Variants in BDP1 observed in about 807,000 individuals in gnomAD.
BDP1 encodes the protein transcription factor TFIIIB component B'' homolog.
Under a neutral mutation model 266.6 loss-of-function variants are expected in BDP1, and 169 were observed. The ratio of observed to expected loss-of-function variants is 0.63; its 90% confidence interval spans 0.56 to 0.72. BDP1 has a LOEUF of 0.72. Among genes scored for constraint, BDP1 ranks in the 30% least tolerant of loss-of-function variants. The pLI, the probability that BDP1 is intolerant of heterozygous loss-of-function variation, is 0.00. For missense variants in BDP1, 3,015 were observed against 3,053.8 expected (o/e 0.99, Z 0.30); for synonymous variants, 1,090 against 1,022.4 (o/e 1.07, Z -1.26).
intron 32 of BDP1, among the ~76,000 whole-genome samples, chr5:71,545,783 C>T (rs971557990): frequency 8.6e-5 from 13 of 151,528 alleles, no homozygotes; most frequent in Middle Eastern, 6.8e-3. Context: ...GGGAGAGGAA[C>T]GTGTGTGTAA....
intron 21 of BDP1, among the ~76,000 whole-genome samples, chr5:71,516,766 G>T (rs1310851794): frequency 6.6e-6 from 1 of 151,694 alleles, no homozygotes; most frequent in Non-Finnish European, 1.5e-5. Flanking sequence ...TGGGTCTTTT[G>T]GTATTAGGGA....
chr5:71,556,164 TC>T (rs1743205264), intron 35 of BDP1, among the ~76,000 whole-genome samples: 1 of 152,170 alleles, frequency 6.6e-6, no homozygotes, highest in Non-Finnish European at 1.5e-5. Context: ...CTTACTGAGT[TC>T]CCTCATTGTA....
chr5:71,458,162 G>A (rs565798633), intron 1 of BDP1, among the ~76,000 whole-genome samples: 2 of 151,934 alleles, frequency 1.3e-5, no homozygotes, highest in Admixed American at 6.6e-5. Flanking sequence ...GTAAAATGCC[G>A]GTAGTTTAGA....
At chr5:71,571,628 TTA>T (rs1227295232), downstream of BDP1, among the ~76,000 whole-genome samples, 10 of 151,716 alleles carry the variant, frequency 6.6e-5, no homozygotes, top group Non-Finnish European at 1.0e-4. Context: ...GAAGTTTATT[TTA>T]ATTAATTATT....
At chr5:71,500,063 A>T (rs1377320037) in intron 13 of BDP1, among the ~76,000 whole-genome samples, 1 of 152,116 alleles carries the variant, frequency 6.6e-6, no homozygotes, top group East Asian at 1.9e-4. Flanking sequence ...CTGTTTCCTT[A>T]TAACTTTTCC....
chr5:71,487,105 AT>A (rs1487338129), intron 9 of BDP1, among the ~76,000 whole-genome samples: 25 of 152,146 alleles, frequency 1.6e-4, no homozygotes, highest in African/African-American at 5.8e-4. Context: ...TTTTAGGCTT[AT>A]GTTTTCTTAA....
chr5:71,550,088 C>T (rs994771269), intron 34 of BDP1, among the ~76,000 whole-genome samples: 6 of 152,198 alleles, frequency 3.9e-5, no homozygotes, highest in African/African-American at 7.2e-5. Context: ...AACTCCTGGG[C>T]GCAAGAGATC....
Position 71,510,880 on chromosome 5 carries a change from C to T in BDP1, c.3788C>T (p.Pro1263Leu), listed in dbSNP as rs1252924622. 6.2e-7 allele frequency: 1 copy of T among 1,613,476 alleles called. No individual in the cohort carries two copies. Among genetic ancestry groups the T allele is most frequent in the Non-Finnish European group, 8.5e-7 (1 of 1,179,738 alleles). Residue 1263 changes from proline to leucine, a missense_variant, in exon 17 of 39, where the codon CCC becomes CTC. By Grantham distance (98) the Pro-to-Leu change is moderately conservative. Transcript: ENST00000358731. ...AAAGAAACTGGAAAAAGAGACATTC[C>T]CATCATGGAGAAAGTATCAGGAAAG... ...DLKETGKRDI[P>L]IMEKVSGKMA...
Position 71,525,485 on chromosome 5 carries a change from G to T in BDP1, c.5772+1162G>T, listed in dbSNP as rs1175774029. ...TCCCGGACGGGGCGGCTGGCCGGGC[G>T]GGGGGCTGACACCCCTACCTCCCTC... On this transcript the variant is annotated intron_variant, in intron 25 of 38. Coordinates refer to ENST00000358731, the MANE Select transcript of BDP1 (RefSeq NM_018429.3). Among the ~76,000 whole-genome samples the T allele has an allele frequency of 1.5e-5, 2 of 135,740 alleles. 1 individual carries two copies. The highest frequency in any genetic ancestry group is 3.2e-5 in the Non-Finnish European group (2 of 62,126). 89.1% of individuals were successfully genotyped at this position (135,740 alleles called of 152,430 possible). A position where few individuals can be genotyped will look rare whatever the true frequency, so the allele number is the denominator to read the frequency against.
chr5:71,485,685 C>G (rs1384703601), intron 8 of BDP1, among the ~76,000 whole-genome samples: 1 of 152,152 alleles, frequency 6.6e-6, no homozygotes, highest in Non-Finnish European at 1.5e-5. Context: ...GGAGTGTTCA[C>G]TGATTACTTT....
chr5:71,479,617 G>A (rs1762813399), intron 7 of BDP1, among the ~76,000 whole-genome samples: 2 of 151,420 alleles, frequency 1.3e-5, no homozygotes, highest in African/African-American at 4.9e-5. Flanking sequence ...CGCAATCTTG[G>A]CTCACTGCAA....
chr5:71,558,342 C>A (rs11746355), intron 36 of BDP1, among the ~76,000 whole-genome samples: 4 of 151,842 alleles, frequency 2.6e-5, no homozygotes, highest in Non-Finnish European at 4.4e-5. Flanking sequence ...GCCAACATGG[C>A]GAAACCCCAT....
chr5:71,529,349 C>T (rs1766094502), intron 25 of BDP1, among the ~76,000 whole-genome samples: 2 of 151,958 alleles, frequency 1.3e-5, no homozygotes, highest in African/African-American at 4.8e-5. Context: ...AAGATCACAC[C>T]ACTGCACTCC....
intron 35 of BDP1, among the ~76,000 whole-genome samples, chr5:71,555,946 T>C (rs958861752): frequency 1.5e-4 from 23 of 151,948 alleles, no homozygotes; most frequent in African/African-American, 5.5e-4. Flanking sequence ...TAGATTAACT[T>C]AGGGGAAATT....
intron 13 of BDP1, among the ~76,000 whole-genome samples, chr5:71,499,004 A>G (rs1388444245): frequency 6.6e-6 from 1 of 151,960 alleles, no homozygotes; most frequent in Admixed American, 6.5e-5. Context: ...GATTACAGGC[A>G]TGAGGGCACC....
intron 13 of BDP1, among the ~76,000 whole-genome samples, chr5:71,497,813 C>T (rs1475151703): frequency 6.6e-6 from 1 of 152,182 alleles, no homozygotes; most frequent in East Asian, 1.9e-4. Flanking sequence ...GGGTCTTGCT[C>T]TATTGCCCAG....
At chr5:71,553,360 G>A (rs933553147) in intron 35 of BDP1, 40 bp downstream of exon 35, 2 of 1,385,928 alleles carry the variant, frequency 1.4e-6, no homozygotes, top group African/African-American at 2.9e-5. Context: ...TGGCCATTAA[G>A]TAAGATGGCC....
intron 7 of BDP1, chr5:71,475,628 A>G (rs1371593252): frequency 6.6e-6 from 1 of 152,326 alleles, no homozygotes; most frequent in Admixed American, 6.5e-5. Flanking sequence ...CACACCTTTT[A>G]AAACAAATCT....
In BDP1 at chr5:71,567,428, A is replaced by G. The variant is rs1239563362; in HGVS notation, c.*2543A>G. On this transcript the variant is annotated 3_prime_UTR_variant, in exon 39 of 39. Coordinates refer to ENST00000358731, the MANE Select transcript of BDP1 (RefSeq NM_018429.3). ...ATTTTGGAAAAGAGAAAGTTAATCAATGTATTTACCTTACATGTTGGAAAG... is the reference window on the plus strand; with the variant it reads ...ATTTTGGAAAAGAGAAAGTTAATCAGTGTATTTACCTTACATGTTGGAAAG... The G allele has an allele frequency of 6.6e-6, 1 of 152,222 alleles. No individual in the cohort carries two copies. Among genetic ancestry groups the G allele is most frequent in the Non-Finnish European group, 1.5e-5 (1 of 68,020 alleles). The allele number at this position is 152,222 out of a possible 1,614,324, so 9.4% of individuals were successfully genotyped here. A position where few individuals can be genotyped will look rare whatever the true frequency, so the allele number is the denominator to read the frequency against.
Sources: allele counts gnomAD v4.1 joint callset (sites outside exome capture counted in the v4.1 genomes callset), GRCh38; gene constraint gnomAD v4.1.1; transcripts MANE v1.5; gene names NCBI Gene and HGNC (gene_info 2026-07-23, HGNC 2026-07-21).